Variants in VWF observed in about 807,000 individuals in gnomAD.
VWF encodes von Willebrand factor, also known as Factor VIII related antigen.
A neutral mutation model predicts 308.6 loss-of-function variants in VWF; 176 were observed. That is an observed-to-expected ratio of 0.57 (90% CI 0.50 to 0.65). The LOEUF is 0.65. VWF is among the 30% of genes least tolerant of loss of function. The pLI, the probability that VWF is intolerant of heterozygous loss-of-function variation, is 0.00. For missense variants in VWF, 3,146 were observed against 3,648.2 expected (o/e 0.86, Z 3.55); for synonymous variants, 1,385 against 1,443.4 (o/e 0.96, Z 0.92).
Position 5,992,121 on chromosome 12 carries a change from CAG to C in VWF, c.6599-105_6599-104del, listed in dbSNP as rs1165976786. The C allele has an allele frequency of 8.0e-6, 9 of 1,118,312 alleles. No homozygotes were observed. In the East Asian group the frequency reaches 2.3e-4, roughly 28 times the overall value. 69.3% of individuals were successfully genotyped at this position (1,118,312 alleles called of 1,614,324 possible). A position where few individuals can be genotyped will look rare whatever the true frequency, so the allele number is the denominator to read the frequency against. ...TAATCATCAGACAAACTTGCCAGGG[CAG>C]AGACGGCTATTTTCCACCAATCTTC... On this transcript the variant is annotated intron_variant, in intron 37 of 51. Coordinates refer to ENST00000261405, the MANE Select transcript of VWF (RefSeq NM_000552.5).
At chr12:6,014,503 A>G (rs1407118739) in intron 31 of VWF, among the ~76,000 whole-genome samples, 1 of 152,154 alleles carries the variant, frequency 6.6e-6, no homozygotes, top group Non-Finnish European at 1.5e-5. Context: ...TGACTCTCGA[A>G]GTATTTTGAA....
chr12:6,051,523 C>T (rs1944512008), intron 16 of VWF, among the ~76,000 whole-genome samples: 1 of 152,182 alleles, frequency 6.6e-6, no homozygotes, highest in African/African-American at 2.4e-5. Flanking sequence ...ATCCGCCCAC[C>T]TCGGCCTCCC....
chr12:6,082,566 T>C (rs1565856908), intron 6 of VWF, among the ~76,000 whole-genome samples: 1 of 152,246 alleles, frequency 6.6e-6, no homozygotes, highest in Non-Finnish European at 1.5e-5. Flanking sequence ...TAACTGGAGA[T>C]GTAAACACAC....
At chr12:6,095,623 T>C in intron 5 of VWF, 39 bp from the exon 6 acceptor site, 1 of 1,613,900 alleles carries the variant, frequency 6.2e-7, no homozygotes, top group Non-Finnish European at 8.5e-7. Flanking sequence ...GCTTCAGTTA[T>C]GCCTGTCCCA....
chr12:5,949,698 G>A, intron 51 of VWF, 88 bp downstream of exon 51: 1 of 1,342,102 alleles, frequency 7.5e-7, no homozygotes, highest in East Asian at 2.3e-5. Flanking sequence ...GAATTTTCCA[G>A]ATCCTTCTAG....
chr12:6,005,641 A>G (rs1943916906), intron 34 of VWF, among the ~76,000 whole-genome samples: 1 of 152,222 alleles, frequency 6.6e-6, no homozygotes, highest in African/African-American at 2.4e-5. Flanking sequence ...AACTTTTCAT[A>G]TAAAAGGGGG....
At position 5,991,924 on chromosome 12, in the gene VWF, G is replaced by C. The variant is rs745607861; in HGVS notation, c.6693C>G (p.Pro2231=). 2.5e-6 allele frequency: 4 copies of C among 1,614,224 alleles called. No homozygotes were observed. Among genetic ancestry groups the C allele is most frequent in the Non-Finnish European group, 3.4e-6 (4 of 1,180,050 alleles). Residue 2231 remains proline, a synonymous_variant, in exon 38 of 52, where the codon CCC becomes CCG. Transcript: ENST00000261405. ...CTGGAGGGCAGAAACAGCCTTCGGA[G>C]GGATGGTCCCCACAGGAGCTCACGT... is the stretch of plus-strand genomic sequence containing the variant. ...DGNVSSCGDH[P]SEGCFCPPDK...
At chr12:6,123,099 G>A (rs773130776) in intron 2 of VWF, 43 bp downstream of exon 2, 2 of 1,612,114 alleles carry the variant, frequency 1.2e-6, no homozygotes, top group African/African-American at 1.3e-5. Flanking sequence ...ACTCCAGATG[G>A]CCCTGGGGCA....
chr12:6,103,447 C>CACACGTGTGTATAT (rs1565391063), intron 5 of VWF, among the ~76,000 whole-genome samples: 9 of 105,990 alleles, frequency 8.5e-5, no homozygotes, highest in Non-Finnish European at 1.7e-4. Context: ...TATATACATA[C>CACACGTGTGTATAT]ACATATATGT....
chr12:6,107,552 A>G (rs1006651153), intron 5 of VWF, among the ~76,000 whole-genome samples: 12 of 152,226 alleles, frequency 7.9e-5, no homozygotes, highest in African/African-American at 2.9e-4. Flanking sequence ...TAACCAAAAG[A>G]AAGGTGGAAT....
intron 40 of VWF, among the ~76,000 whole-genome samples, chr12:5,983,707 T>A (rs888246409): frequency 3.3e-5 from 5 of 151,316 alleles, no homozygotes; most frequent in Non-Finnish European, 7.4e-5. Context: ...AGAGATAGGA[T>A]AGATTATAAA....
intron 43 of VWF, among the ~76,000 whole-genome samples, chr12:5,972,390 G>A (rs909780087): frequency 2.6e-5 from 4 of 152,202 alleles, no homozygotes; most frequent in African/African-American, 9.6e-5. Flanking sequence ...CCTCTGAAAA[G>A]TCTATAGAAA....
At chr12:5,960,302 C>T (rs965699679) in intron 47 of VWF, among the ~76,000 whole-genome samples, 6 of 151,726 alleles carry the variant, frequency 4.0e-5, no homozygotes, top group African/African-American at 1.4e-4. Flanking sequence ...ACTGATTTAC[C>T]AAACTAATTC....
intron 28 of VWF, among the ~76,000 whole-genome samples, chr12:6,017,636 T>C (rs1944077972): frequency 6.6e-6 from 1 of 152,186 alleles, no homozygotes; most frequent in African/African-American, 2.4e-5. Flanking sequence ...TTTTGAGCAC[T>C]TGTCATGTGC....
intron 2 of VWF, chr12:6,122,835 A>C (rs1945446021): frequency 1.5e-6 from 1 of 661,428 alleles, no homozygotes; most frequent in African/African-American, 1.8e-5. Flanking sequence ...AATCTTATCG[A>C]AAACTAATAA....
intron 6 of VWF, among the ~76,000 whole-genome samples, chr12:6,094,580 G>C (rs1171566788): frequency 6.6e-6 from 1 of 152,164 alleles, no homozygotes; most frequent in Non-Finnish European, 1.5e-5. Flanking sequence ...CCATGTGTTG[G>C]AACCTAAACC....
chr12:6,011,523 T>C (rs1943993367), intron 34 of VWF, 94 bp downstream of exon 34: 1 of 1,105,498 alleles, frequency 9.0e-7, no homozygotes, highest in Admixed American at 2.0e-5. Context: ...AGGGTACTTC[T>C]GGGCTGGTGG....
chr12:6,117,109 C>T (rs1185441932), intron 3 of VWF, among the ~76,000 whole-genome samples: 2 of 152,260 alleles, frequency 1.3e-5, no homozygotes, highest in East Asian at 1.9e-4. Context: ...GTTAGCAGCA[C>T]GGTTTTGGTG....
chr12:6,095,742 C>T, intron 5 of VWF, 158 bp from the exon 6 acceptor site: 1 of 986,698 alleles, frequency 1.0e-6, no homozygotes, highest in Non-Finnish European at 1.5e-6. Flanking sequence ...AGTGCAGCGG[C>T]TATTCACAAG....
Sources: gnomAD v4.1 joint callset for allele counts (sites outside exome capture counted in the v4.1 genomes callset) on GRCh38, gnomAD v4.1.1 for gene constraint, MANE v1.5 for transcripts, NCBI Gene and HGNC (gene_info 2026-07-23, HGNC 2026-07-21) for gene names.